SLC35F4: variants seen among roughly 807,000 people sequenced by gnomAD.
SLC35F4 encodes chromosome 14 open reading frame 36.
SLC35F4 carries 24 observed loss-of-function variants against 44.2 expected under a neutral mutation model. The observed-to-expected ratio is 0.54, with a 90% confidence interval of 0.39 to 0.76. The LOEUF (loss-of-function observed/expected upper bound fraction) is 0.76, where lower values mean the gene tolerates loss of function less well. SLC35F4 is among the 30% of genes least tolerant of loss of function. The pLI, the probability that SLC35F4 is intolerant of heterozygous loss-of-function variation, is 0.00. For missense variants in SLC35F4, 562 were observed against 586.1 expected (o/e 0.96, Z 0.42); for synonymous variants, 238 against 223.6 (o/e 1.06, Z -0.57).
At chr14:57,640,930 G>A (rs1402774558) in intron 1 of SLC35F4, among the ~76,000 whole-genome samples, 1 of 151,960 alleles carries the variant, frequency 6.6e-6, no homozygotes, top group Non-Finnish European at 1.5e-5. Context: ...TAAAATGATA[G>A]AAAATATAAG....
At position 57,564,062 on chromosome 14, in the gene SLC35F4, G is replaced by C. The variant is rs903911464; in HGVS notation, c.*73C>G. 88 of 1,534,114 alleles carry C rather than the reference G, an allele frequency of 5.7e-5. No homozygotes were observed. Among genetic ancestry groups the C allele is most frequent in the Non-Finnish European group, 7.1e-5 (80 of 1,125,030 alleles). ...ATTCAGAGTTAATACTGTCGTTTGA[G>C]TGTACAGGTAGTGAGAAAATTTTGT... On this transcript the variant is annotated 3_prime_UTR_variant, in exon 8 of 8. Coordinates refer to ENST00000556826, the MANE Select transcript of SLC35F4 (RefSeq NM_001306087.2).
At chr14:57,769,873 C>T (rs1386730016) in intron 1 of SLC35F4, among the ~76,000 whole-genome samples, 1 of 152,132 alleles carries the variant, frequency 6.6e-6, no homozygotes, top group Non-Finnish European at 1.5e-5. Context: ...GGATTTTGAT[C>T]ACAATTTTTC....
chr14:57,581,995 T>TA (rs1298583307), intron 3 of SLC35F4, among the ~76,000 whole-genome samples: 5 of 152,240 alleles, frequency 3.3e-5, no homozygotes, highest in African/African-American at 1.2e-4. Context: ...GTCCCTGTGA[T>TA]AACTCCCACA....
At chr14:57,937,490 A>G (rs1240620375) in intron 1 of SLC35F4, among the ~76,000 whole-genome samples, 1 of 151,930 alleles carries the variant, frequency 6.6e-6, no homozygotes, top group Non-Finnish European at 1.5e-5. Context: ...AGGTCATAAT[A>G]ATAGGTTATC....
chr14:57,799,001 A>G (rs1325597733), intron 1 of SLC35F4, among the ~76,000 whole-genome samples: 2 of 152,210 alleles, frequency 1.3e-5, no homozygotes, highest in East Asian at 1.9e-4. Context: ...CAATTAAAAC[A>G]AAGTTTGGGA....
At chr14:57,852,030 G>A (rs1489564790) in intron 1 of SLC35F4, among the ~76,000 whole-genome samples, 1 of 152,194 alleles carries the variant, frequency 6.6e-6, no homozygotes, top group African/African-American at 2.4e-5. Flanking sequence ...ATTGTTCTTT[G>A]TGCTGGTCAT....
chr14:57,879,875 T>C (rs1373572056), intron 1 of SLC35F4, among the ~76,000 whole-genome samples: 1 of 151,450 alleles, frequency 6.6e-6, no homozygotes, highest in African/African-American at 2.4e-5. Context: ...TATAAAACTC[T>C]ATATTTAGCA....
intron 1 of SLC35F4, among the ~76,000 whole-genome samples, chr14:57,759,484 G>A (rs980016244): frequency 6.6e-6 from 1 of 152,082 alleles, no homozygotes; most frequent in African/African-American, 2.4e-5. Flanking sequence ...GAAGACTGAG[G>A]TGGGAGGATC....
chr14:57,564,418 T>C, intron 7 of SLC35F4, 42 bp from the exon 8 acceptor site: 1 of 1,565,246 alleles, frequency 6.4e-7, no homozygotes, highest in South Asian at 1.2e-5. Flanking sequence ...TATGCCTGTT[T>C]CTAAGCTTTG....
At chr14:57,857,855 G>A (rs1377356212) in intron 1 of SLC35F4, among the ~76,000 whole-genome samples, 2 of 152,032 alleles carry the variant, frequency 1.3e-5, no homozygotes, top group Non-Finnish European at 2.9e-5. Flanking sequence ...CAGAGAGGGA[G>A]CACTGGGGCC....
intron 1 of SLC35F4, among the ~76,000 whole-genome samples, chr14:57,949,685 G>T (rs1021864535): frequency 6.6e-6 from 1 of 152,006 alleles, no homozygotes; most frequent in Non-Finnish European, 1.5e-5. Context: ...TTGAGATTTG[G>T]AACTTCTTTT....
chr14:57,668,373 G>A (rs2074393204), intron 1 of SLC35F4, among the ~76,000 whole-genome samples: 2 of 151,842 alleles, frequency 1.3e-5, no homozygotes, highest in Non-Finnish European at 2.9e-5. Flanking sequence ...TGTTGCCATT[G>A]CTTTTGGTGT....
At chr14:57,740,478 A>G (rs771659816) in intron 1 of SLC35F4, among the ~76,000 whole-genome samples, 2 of 152,216 alleles carry the variant, frequency 1.3e-5, no homozygotes, top group Non-Finnish European at 2.9e-5. Flanking sequence ...GAATAAAACA[A>G]TTTACAGAGG....
At chr14:57,882,543 C>T (rs1433265684) in intron 1 of SLC35F4, among the ~76,000 whole-genome samples, 3 of 152,132 alleles carry the variant, frequency 2.0e-5, no homozygotes, top group Non-Finnish European at 4.4e-5. Context: ...GGCAGAGAGG[C>T]CATCTTCCCT....
At chr14:57,858,809 G>A (rs1272998081) in intron 1 of SLC35F4, among the ~76,000 whole-genome samples, 1 of 150,526 alleles carries the variant, frequency 6.6e-6, no homozygotes, top group Non-Finnish European at 1.5e-5. Flanking sequence ...TAAAAGGAAA[G>A]TTGGGCCAAT....
chr14:57,902,202 A>C (rs1003660127), intron 1 of SLC35F4, among the ~76,000 whole-genome samples: 3 of 152,246 alleles, frequency 2.0e-5, no homozygotes, highest in South Asian at 2.1e-4. Flanking sequence ...TTGTTTGTCC[A>C]GTCCTTTTGA....
At chr14:57,782,710 C>T (rs1178812185) in intron 1 of SLC35F4, among the ~76,000 whole-genome samples, 1 of 152,176 alleles carries the variant, frequency 6.6e-6, no homozygotes, top group Non-Finnish European at 1.5e-5. Flanking sequence ...GTTTGTCCTC[C>T]AGTAAATTGT....
chr14:57,936,245 A>G (rs955879116), intron 1 of SLC35F4, among the ~76,000 whole-genome samples: 27 of 152,220 alleles, frequency 1.8e-4, no homozygotes, highest in Non-Finnish European at 3.5e-4. Context: ...CATGGATCAG[A>G]TGTATTTTAC....
chr14:57,654,119 T>A (rs932468430), intron 1 of SLC35F4, among the ~76,000 whole-genome samples: 1 of 152,118 alleles, frequency 6.6e-6, no homozygotes, highest in African/African-American at 2.4e-5. Context: ...CAGTATGGCT[T>A]CGTTTTATTT....
Sources: gnomAD v4.1 joint callset for allele counts (sites outside exome capture counted in the v4.1 genomes callset) on GRCh38, gnomAD v4.1.1 for gene constraint, MANE v1.5 for transcripts, NCBI Gene and HGNC (gene_info 2026-07-23, HGNC 2026-07-21) for gene names.